EYS: variants seen among roughly 807,000 people sequenced by gnomAD.
EYS encodes the protein EGF-like photoreceptor maintenance factor.
EYS carries 250 observed loss-of-function variants against 282.1 expected under a neutral mutation model. The observed-to-expected ratio is 0.89, with a 90% CI of 0.80 to 0.98. The LOEUF is 0.98. Ranked by LOEUF, EYS falls within the 50% of genes least tolerant of loss-of-function variation. The pLI, the probability that EYS is intolerant of heterozygous loss-of-function variation, is 0.00. For synonymous variants in EYS, 1,355 were observed against 1,282.9 expected (o/e 1.06, Z -1.20); for missense variants, 4,016 against 3,709.0 (o/e 1.08, Z -2.15).
At chr6:63,948,219 G>C (rs1765455832) in intron 35 of EYS, among the ~76,000 whole-genome samples, 1 of 152,136 alleles carries the variant, frequency 6.6e-6, no homozygotes, top group Non-Finnish European at 1.5e-5. Flanking sequence ...GAACACTTGC[G>C]ATCTGTCCTT....
chr6:64,561,221 A>G (rs888468899), intron 26 of EYS, among the ~76,000 whole-genome samples: 7 of 152,130 alleles, frequency 4.6e-5, no homozygotes, highest in African/African-American at 1.4e-4. Flanking sequence ...CCAACATTAT[A>G]TATACTGAAT....
chr6:64,219,411 T>C (rs542900565), intron 31 of EYS, among the ~76,000 whole-genome samples: 12 of 152,340 alleles, frequency 7.9e-5, no homozygotes, highest in African/African-American at 2.9e-4. Context: ...AAATTATTCT[T>C]GAGTACAATC....
intron 22 of EYS, among the ~76,000 whole-genome samples, chr6:64,781,006 A>G (rs1247660421): frequency 6.6e-6 from 1 of 152,184 alleles, no homozygotes; most frequent in East Asian, 1.9e-4. Flanking sequence ...TAAAATTAAT[A>G]TGTTTTATAT....
chr6:64,768,613 T>C (rs1334759119), intron 22 of EYS, among the ~76,000 whole-genome samples: 1 of 152,176 alleles, frequency 6.6e-6, no homozygotes, highest in Non-Finnish European at 1.5e-5. Flanking sequence ...TTATTATCAC[T>C]TCAGGGTAGC....
At chr6:65,022,876 A>G (rs1772290964) in intron 13 of EYS, among the ~76,000 whole-genome samples, 1 of 152,008 alleles carries the variant, frequency 6.6e-6, no homozygotes, top group Non-Finnish European at 1.5e-5. Context: ...GATATGTTGT[A>G]TCAAGGTTTT....
chr6:65,483,049 T>G (rs1765661390), intron 5 of EYS, among the ~76,000 whole-genome samples: 1 of 152,136 alleles, frequency 6.6e-6, no homozygotes, highest in African/African-American at 2.4e-5. Flanking sequence ...TTTGAATAAA[T>G]CACTTTCTAA....
At chr6:65,283,648 C>G (rs1436447678) in intron 12 of EYS, among the ~76,000 whole-genome samples, 3 of 151,760 alleles carry the variant, frequency 2.0e-5, no homozygotes, top group Non-Finnish European at 2.9e-5. Context: ...CTACTTTTCT[C>G]CAATTTTATT....
intron 26 of EYS, among the ~76,000 whole-genome samples, chr6:64,533,617 T>A (rs1397211329): frequency 6.6e-6 from 1 of 151,966 alleles, no homozygotes; most frequent in African/African-American, 2.4e-5. Flanking sequence ...AAAGAAGAAA[T>A]AACACTTTTA....
At chr6:65,629,562 A>C (rs1269362292) in intron 2 of EYS, among the ~76,000 whole-genome samples, 1 of 152,174 alleles carries the variant, frequency 6.6e-6, no homozygotes, top group East Asian at 1.9e-4. Context: ...TCAGCATGAG[A>C]ATGCAGTTTC....
At chr6:64,471,465 T>A (rs1321605020) in intron 26 of EYS, among the ~76,000 whole-genome samples, 2 of 151,758 alleles carry the variant, frequency 1.3e-5, no homozygotes, top group Admixed American at 6.6e-5. Flanking sequence ...AGCTGAAAAA[T>A]TAATCAAGAA....
intron 30 of EYS, among the ~76,000 whole-genome samples, chr6:64,285,116 G>A (rs775895054): frequency 6.6e-6 from 1 of 152,132 alleles, no homozygotes; most frequent in African/African-American, 2.4e-5. Flanking sequence ...ATGGTGCAAA[G>A]TTTGTGAACT....
intron 5 of EYS, among the ~76,000 whole-genome samples, chr6:65,443,707 CATATACACAT>C (rs1768532641): frequency 1.8e-5 from 1 of 54,120 alleles, no homozygotes; most frequent in African/African-American, 5.2e-5. Context: ...CACATATGTG[CATATACACAT>C]ATATACACAT....
intron 36 of EYS, among the ~76,000 whole-genome samples, chr6:63,843,824 G>A (rs1936519655): frequency 6.6e-6 from 1 of 152,138 alleles, no homozygotes; most frequent in Admixed American, 6.6e-5. Flanking sequence ...GTTTGCAGAC[G>A]ACATGATTGT....
chr6:65,620,063 C>A (rs573142328), intron 2 of EYS, among the ~76,000 whole-genome samples: 2,414 of 152,196 alleles, frequency 0.016, 60 homozygotes, highest in African/African-American at 0.055. Context: ...ATGATGCTGG[C>A]CTCATAAAAT....
At chr6:64,804,829 GACTAAA>G (rs1764376361) in intron 22 of EYS, among the ~76,000 whole-genome samples, 1 of 151,996 alleles carries the variant, frequency 6.6e-6, no homozygotes, top group Non-Finnish European at 1.5e-5. Context: ...TGTGATTGGA[GACTAAA>G]ACTAATTTGT....
chr6:65,130,775 G>A (rs1382244783), intron 12 of EYS, among the ~76,000 whole-genome samples: 1 of 147,962 alleles, frequency 6.8e-6, no homozygotes, highest in African/African-American at 2.5e-5. Flanking sequence ...TGGAACAAAC[G>A]GCACATGTAC....
At chr6:65,197,565 T>C (rs192899671) in intron 12 of EYS, among the ~76,000 whole-genome samples, 2 of 152,202 alleles carry the variant, frequency 1.3e-5, no homozygotes, top group East Asian at 3.9e-4. Context: ...ATTAGATATA[T>C]AGTCATATGT....
intron 35 of EYS, among the ~76,000 whole-genome samples, chr6:63,946,726 AT>A (rs10580253): frequency 0.069 from 9,305 of 135,532 alleles, 630 homozygotes; most frequent in African/African-American, 0.2. Context: ...TTTATGAACT[AT>A]TTTTTTTTTT....
At chr6:64,973,430 A>G (rs1479264008) in intron 14 of EYS, among the ~76,000 whole-genome samples, 1 of 152,042 alleles carries the variant, frequency 6.6e-6, no homozygotes, top group East Asian at 1.9e-4. Context: ...GTTAAAACAT[A>G]CATCTAACAA....
Sources: gnomAD v4.1 joint callset for allele counts (sites outside exome capture counted in the v4.1 genomes callset) on GRCh38, gnomAD v4.1.1 for gene constraint, MANE v1.5 for transcripts, NCBI Gene and HGNC (gene_info 2026-07-23, HGNC 2026-07-21) for gene names.